CCSER1: variants seen among roughly 807,000 people sequenced by gnomAD.
CCSER1 encodes coiled-coil serine rich protein 1.
In CCSER1, 41 loss-of-function variants were observed where a neutral mutation model predicts 82.0. The observed-to-expected ratio is 0.50, with a 90% CI of 0.39 to 0.65. The LOEUF (loss-of-function observed/expected upper bound fraction) is 0.65. Among genes scored for constraint, CCSER1 ranks in the 30% least tolerant of loss-of-function variants. The pLI, the probability that CCSER1 is intolerant of heterozygous loss-of-function variation, is 0.00. For missense variants in CCSER1, 1,119 were observed against 1,064.2 expected, an observed-to-expected ratio of 1.05 and a Z score of -0.72; for synonymous variants, 414 against 383.9, an observed-to-expected ratio of 1.08 and a Z score of -0.92.
At chr4:90,512,540 C>T (rs1262912452) in intron 5 of CCSER1, among the ~76,000 whole-genome samples, 1 of 152,086 alleles carries the variant, frequency 6.6e-6, no homozygotes, top group Non-Finnish European at 1.5e-5. Context: ...CTTCTACTTT[C>T]TTATTCTTAT....
At chr4:91,474,787 G>GTATATA (rs764572024) in intron 10 of CCSER1, among the ~76,000 whole-genome samples, 37 of 135,162 alleles carry the variant, frequency 2.7e-4, no homozygotes, top group Middle Eastern at 3.8e-3. Context: ...ATATATTTGT[G>GTATATA]TATATATATA....
At chr4:90,423,827 G>A (rs947188486) in intron 4 of CCSER1, among the ~76,000 whole-genome samples, 1 of 151,598 alleles carries the variant, frequency 6.6e-6, no homozygotes, top group South Asian at 2.1e-4. Context: ...TATTGGGCTG[G>A]GCGTGGTGGC....
At chr4:90,822,383 G>A (rs1250745836) in intron 8 of CCSER1, among the ~76,000 whole-genome samples, 6 of 152,150 alleles carry the variant, frequency 3.9e-5, no homozygotes, top group East Asian at 1.9e-4. Context: ...TTTTCTAGCC[G>A]ATCGGGGTAA....
intron 1 of CCSER1, among the ~76,000 whole-genome samples, chr4:90,277,007 C>A (rs1727955292): frequency 6.6e-6 from 1 of 151,586 alleles, no homozygotes; most frequent in South Asian, 2.1e-4. Context: ...TTGGCAGAGT[C>A]TTTAGAGTTT....
At chr4:91,013,460 ATTACT>A (rs1368470916) in intron 9 of CCSER1, among the ~76,000 whole-genome samples, 1 of 133,216 alleles carries the variant, frequency 7.5e-6, no homozygotes, top group African/African-American at 2.5e-5. Flanking sequence ...CACTGATTAG[ATTACT>A]TTAACATTGT....
intron 1 of CCSER1, among the ~76,000 whole-genome samples, chr4:90,129,001 C>T (rs936834746): frequency 1.3e-5 from 2 of 152,088 alleles, no homozygotes; most frequent in Non-Finnish European, 2.9e-5. Flanking sequence ...GTTTTTATGT[C>T]CTCTTCTCCA....
chr4:90,381,579 A>G lies in CCSER1; in HGVS notation c.1510-18457A>G, dbSNP rs187431411. On this transcript the variant is annotated intron_variant, in intron 3 of 10. Coordinates refer to ENST00000509176, the MANE Select transcript of CCSER1 (RefSeq NM_001145065.2). ...CATAGAATACCATGGTGTACACAGT[A>G]TTAATCATGGTCACTTTGTTTCAGA... Among the ~76,000 whole-genome samples, 31 of 152,260 alleles carry G rather than the reference A, an allele frequency of 2.0e-4. No individual in the cohort carries two copies. The East Asian group carries it at 2.3e-3, about 11-fold the overall frequency.
chr4:90,823,125 A>C (rs1389852774), intron 8 of CCSER1, among the ~76,000 whole-genome samples: 1 of 152,166 alleles, frequency 6.6e-6, no homozygotes, highest in Non-Finnish European at 1.5e-5. Context: ...CAAAAATTTA[A>C]AACATGTCGG....
At chr4:90,702,370 T>A (rs1372347567) in intron 6 of CCSER1, among the ~76,000 whole-genome samples, 8 of 152,184 alleles carry the variant, frequency 5.3e-5, no homozygotes, top group African/African-American at 1.9e-4. Flanking sequence ...TGGATTCAGT[T>A]TGCCAGTATT....
chr4:90,302,850 A>G (rs1262123218), intron 1 of CCSER1, among the ~76,000 whole-genome samples: 1 of 151,336 alleles, frequency 6.6e-6, no homozygotes, highest in South Asian at 2.1e-4. Flanking sequence ...AAAGAAAAGG[A>G]AAAGGAAAGA....
chr4:90,919,335 AG>A (rs1328993761), intron 8 of CCSER1, among the ~76,000 whole-genome samples: 1 of 151,904 alleles, frequency 6.6e-6, no homozygotes, highest in African/African-American at 2.4e-5. Context: ...CCAATAAAAA[AG>A]GTTTTCATCT....
chr4:90,879,658 G>A (rs1720984243), intron 8 of CCSER1, among the ~76,000 whole-genome samples: 1 of 151,312 alleles, frequency 6.6e-6, no homozygotes, highest in Admixed American at 6.6e-5. Flanking sequence ...GGAAGAAGAA[G>A]AGGAAAGAAG....
intron 10 of CCSER1, among the ~76,000 whole-genome samples, chr4:91,367,505 T>C (rs1029852491): frequency 6.6e-6 from 1 of 151,424 alleles, no homozygotes; most frequent in African/African-American, 2.4e-5. Context: ...GAGATAGTTC[T>C]TTATCTTTAT....
rs191352085 is a variant in CCSER1 at position 90,807,708 on chromosome 4, G to A, written c.2011-8054G>A. Among the ~76,000 whole-genome samples, 51 of 150,848 alleles carry A rather than the reference G, an allele frequency of 3.4e-4. 1 individual carries two copies. Among genetic ancestry groups the A allele is most frequent in the Admixed American group, 9.2e-4 (14 of 15,178 alleles). ...CAAGGAGATGAAAGAGCTCTGTAAG[G>A]ACTATAAAACACTGATGAAAAAAAT... On this transcript the variant is annotated intron_variant, in intron 7 of 10. Coordinates refer to ENST00000509176, the MANE Select transcript of CCSER1 (RefSeq NM_001145065.2).
chr4:90,480,730 G>A (rs1457206352), intron 5 of CCSER1, among the ~76,000 whole-genome samples: 2 of 152,078 alleles, frequency 1.3e-5, no homozygotes, highest in Admixed American at 6.6e-5. Context: ...CTGTTCTATT[G>A]GTCTATATCT....
intron 9 of CCSER1, among the ~76,000 whole-genome samples, chr4:91,044,948 T>C (rs1157429136): frequency 6.6e-6 from 1 of 152,244 alleles, no homozygotes; most frequent in Admixed American, 6.5e-5. Context: ...TGTTTTGTAA[T>C]CTTTAGTATC....
At chr4:90,428,850 C>G (rs1757882264) in intron 4 of CCSER1, among the ~76,000 whole-genome samples, 1 of 151,726 alleles carries the variant, frequency 6.6e-6, no homozygotes, top group Admixed American at 6.6e-5. Flanking sequence ...CAAGGAAAGT[C>G]TGAGAAACTG....
At chr4:90,854,317 A>G (rs17248761) in intron 8 of CCSER1, among the ~76,000 whole-genome samples, 30,225 of 152,112 alleles carry the variant, frequency 0.2, 3,105 homozygotes, top group Non-Finnish European at 0.22. Flanking sequence ...TGGAAGGTAC[A>G]GTATCCATGC....
At chr4:91,083,566 A>G (rs1723038507) in intron 9 of CCSER1, among the ~76,000 whole-genome samples, 1 of 152,172 alleles carries the variant, frequency 6.6e-6, no homozygotes, top group East Asian at 1.9e-4. Context: ...ATAAAGTAAA[A>G]TGAAATAAAA....
Sources: allele counts gnomAD v4.1 joint callset (sites outside exome capture counted in the v4.1 genomes callset), GRCh38; gene constraint gnomAD v4.1.1; transcripts MANE v1.5; gene names NCBI Gene and HGNC (gene_info 2026-07-23, HGNC 2026-07-21).